Variants in NKAIN2 observed in about 807,000 individuals in gnomAD.
NKAIN2 encodes the protein sodium/potassium transporting ATPase interacting 2.
NKAIN2 carries 14 observed loss-of-function variants against 32.6 expected under a neutral mutation model. The ratio of observed to expected loss-of-function variants is 0.43; its 90% CI spans 0.28 to 0.67. NKAIN2 has a LOEUF of 0.67. Among genes scored for constraint, NKAIN2 ranks in the 30% least tolerant of loss-of-function variants. NKAIN2 has a pLI of 0.17. For synonymous variants in NKAIN2, 80 were observed against 87.2 expected, an observed-to-expected ratio of 0.92 and a Z score of 0.46; for missense variants, 198 against 258.3, an observed-to-expected ratio of 0.77 and a Z score of 1.60.
chr6:124,459,392 G>T (rs367788966), intron 3 of NKAIN2, among the ~76,000 whole-genome samples: 1 of 151,800 alleles, frequency 6.6e-6, no homozygotes, highest in Admixed American at 6.6e-5. Flanking sequence ...GATATCAAAA[G>T]ATTATAAGAT....
chr6:124,580,755 C>G (rs1781490173), intron 3 of NKAIN2, among the ~76,000 whole-genome samples: 1 of 152,008 alleles, frequency 6.6e-6, no homozygotes, highest in South Asian at 2.1e-4. Flanking sequence ...GGTTTGTTGC[C>G]TATAGAAACA....
intron 4 of NKAIN2, among the ~76,000 whole-genome samples, chr6:124,765,605 G>A (rs1778477311): frequency 1.3e-5 from 2 of 152,278 alleles, no homozygotes; most frequent in South Asian, 4.1e-4. Flanking sequence ...CTCTTAAGTT[G>A]TTTTTGAAAT....
chr6:124,107,278 A>G (rs942754294), intron 1 of NKAIN2, among the ~76,000 whole-genome samples: 4 of 152,214 alleles, frequency 2.6e-5, no homozygotes, highest in African/African-American at 9.6e-5. Context: ...GAGTTAGTCA[A>G]TGAAGTATTC....
At chr6:124,049,353 G>A (rs1782293052) in intron 1 of NKAIN2, among the ~76,000 whole-genome samples, 1 of 151,970 alleles carries the variant, frequency 6.6e-6, no homozygotes, top group African/African-American at 2.4e-5. Flanking sequence ...AAGATGCAAT[G>A]AAGGGTCCTA....
intron 1 of NKAIN2, among the ~76,000 whole-genome samples, chr6:123,920,034 T>C (rs900294603): frequency 6.6e-6 from 1 of 152,116 alleles, no homozygotes; most frequent in African/African-American, 2.4e-5. Flanking sequence ...AGGCCCTTTG[T>C]ATGAAAAGTG....
At chr6:124,754,899 G>A (rs1285244525) in intron 4 of NKAIN2, among the ~76,000 whole-genome samples, 1 of 152,140 alleles carries the variant, frequency 6.6e-6, no homozygotes, top group African/African-American at 2.4e-5. Context: ...GCCCATCAAT[G>A]ATAGAGTGGA....
chr6:124,244,777 T>C (rs1003252245), intron 1 of NKAIN2, among the ~76,000 whole-genome samples: 2 of 151,964 alleles, frequency 1.3e-5, no homozygotes, highest in Admixed American at 6.6e-5. Flanking sequence ...TAACTCTAAA[T>C]AAATAAATAA....
At chr6:124,179,278 T>C (rs1403976486) in intron 1 of NKAIN2, among the ~76,000 whole-genome samples, 1 of 152,192 alleles carries the variant, frequency 6.6e-6, no homozygotes, top group Non-Finnish European at 1.5e-5. Context: ...AGTTTGTCAA[T>C]ACAGGCTTTG....
chr6:123,859,559 G>C (rs1775698303), intron 1 of NKAIN2, among the ~76,000 whole-genome samples: 1 of 152,132 alleles, frequency 6.6e-6, no homozygotes, highest in South Asian at 2.1e-4. Flanking sequence ...GCATCCTCAA[G>C]AGCATTTTGA....
At chr6:124,400,701 T>C (rs1225914721) in intron 3 of NKAIN2, among the ~76,000 whole-genome samples, 1 of 152,164 alleles carries the variant, frequency 6.6e-6, no homozygotes, top group Non-Finnish European at 1.5e-5. Flanking sequence ...TTTATTTTAA[T>C]ATATAGTATA....
At chr6:124,791,633 T>G (rs1779752483) in intron 5 of NKAIN2, among the ~76,000 whole-genome samples, 2 of 152,110 alleles carry the variant, frequency 1.3e-5, no homozygotes, top group African/African-American at 2.4e-5. Context: ...GAAAACCTTT[T>G]AAAAATCATT....
chr6:123,893,641 T>C (rs904986910), intron 1 of NKAIN2, among the ~76,000 whole-genome samples: 1 of 152,248 alleles, frequency 6.6e-6, no homozygotes, highest in Non-Finnish European at 1.5e-5. Flanking sequence ...TGTGGCTATA[T>C]AGTGGTAGAG....
intron 4 of NKAIN2, among the ~76,000 whole-genome samples, chr6:124,709,150 T>A (rs1385218214): frequency 1.4e-5 from 2 of 142,486 alleles, no homozygotes; most frequent in Non-Finnish European, 3.1e-5. Context: ...TTTATTGATT[T>A]GTGTATATTG....
rs532297180 is a variant in NKAIN2 at position 123,938,369 on chromosome 6, C to T, written c.54+134115C>T. Among the ~76,000 whole-genome samples, 9 of 126,518 alleles carry T rather than the reference C, an allele frequency of 7.1e-5. No homozygotes were observed. The South Asian group carries it at 1.0e-3, about 14-fold the overall frequency. 83.0% of individuals were successfully genotyped at this position (126,518 alleles called of 152,430 possible). A position where few individuals can be genotyped will look rare whatever the true frequency, so the allele number is the denominator to read the frequency against. On this transcript the variant is annotated intron_variant, in intron 1 of 6. Coordinates refer to ENST00000368417, the MANE Select transcript of NKAIN2 (RefSeq NM_001040214.3). ...CAGAGATAGAACAATTTGCAATTGC[C>T]GTGAAACCAGAACTCATTTGCAAGG...
intron 1 of NKAIN2, among the ~76,000 whole-genome samples, chr6:124,132,788 G>A (rs1008413014): frequency 1.3e-5 from 2 of 152,206 alleles, no homozygotes; most frequent in African/African-American, 4.8e-5. Context: ...AGGACTCTTT[G>A]CAGATGTTTC....
intron 1 of NKAIN2, among the ~76,000 whole-genome samples, chr6:124,213,577 GA>G (rs1490092539): frequency 6.6e-6 from 1 of 151,960 alleles, no homozygotes; most frequent in African/African-American, 2.4e-5. Flanking sequence ...GTCAGAGGGA[GA>G]AATCTTCAAA....
chr6:124,463,592 G>A (rs1438188561), intron 3 of NKAIN2, among the ~76,000 whole-genome samples: 2 of 151,844 alleles, frequency 1.3e-5, no homozygotes, highest in East Asian at 3.9e-4. Context: ...CTTTACCTTT[G>A]CCAATGCCTT....
chr6:124,721,452 G>A (rs1407031532), intron 4 of NKAIN2, among the ~76,000 whole-genome samples: 1 of 151,024 alleles, frequency 6.6e-6, no homozygotes, highest in Non-Finnish European at 1.5e-5. Context: ...CAGTCCATCA[G>A]ACATTTCAAC....
At chr6:124,051,716 A>G (rs1044935522) in intron 1 of NKAIN2, among the ~76,000 whole-genome samples, 3 of 152,048 alleles carry the variant, frequency 2.0e-5, no homozygotes, top group African/African-American at 7.2e-5. Context: ...AGATGCAATG[A>G]ATGGAGTCAA....
Sources: allele counts gnomAD v4.1 joint callset (sites outside exome capture counted in the v4.1 genomes callset), GRCh38; gene constraint gnomAD v4.1.1; transcripts MANE v1.5; gene names NCBI Gene and HGNC (gene_info 2026-07-23, HGNC 2026-07-21).